CATSPERT: variants seen among roughly 807,000 people sequenced by gnomAD.
CATSPERT encodes the protein catsper channel auxiliary subunit tau, also known as cation channel sperm-associated targeting subunit tau.
chr2:201,601,692 G>A, the CATSPERT span: 12 of 1,518,374 alleles, frequency 7.9e-6, no homozygotes, highest in Non-Finnish European at 1.1e-5. Flanking sequence ...AGAATATTTG[G>A]AACTATAAGG....
chr2:201,551,832 C>T, the CATSPERT span, among the ~76,000 whole-genome samples: 2 of 151,654 alleles, frequency 1.3e-5, no homozygotes, highest in Non-Finnish European at 2.9e-5. Flanking sequence ...CGCTTTAACC[C>T]GGGAGCCGGA....
the CATSPERT span, among the ~76,000 whole-genome samples, chr2:201,594,953 T>C: frequency 4.7e-3 from 714 of 151,598 alleles, 6 homozygotes; most frequent in African/African-American, 0.016. Flanking sequence ...GTAATTTGAT[T>C]GTCTGAAGCC....
At chr2:201,535,684 T>C in the CATSPERT span, 22 of 1,212,036 alleles carry the variant, frequency 1.8e-5, no homozygotes, top group African/African-American at 2.2e-4. Context: ...CATTTCTTGA[T>C]TGATATAAGT....
chr2:201,572,064 T>G, the CATSPERT span: 1 of 1,410,674 alleles, frequency 7.1e-7, no homozygotes, highest in Non-Finnish European at 1.0e-6. Flanking sequence ...TAGTTTCAAT[T>G]AAAACTCACT....
chr2:201,504,021 T>C, the CATSPERT span, among the ~76,000 whole-genome samples: 1 of 152,214 alleles, frequency 6.6e-6, no homozygotes, highest in Non-Finnish European at 1.5e-5. Flanking sequence ...TGAGTACCTA[T>C]AATTTTCTAC....
At chr2:201,571,082 G>A in the CATSPERT span, among the ~76,000 whole-genome samples, 1 of 152,116 alleles carries the variant, frequency 6.6e-6, no homozygotes, top group African/African-American at 2.4e-5. Context: ...CAAGGAGAAG[G>A]CCTCAGATGT....
At chr2:201,585,407 GAAA>G in the CATSPERT span, among the ~76,000 whole-genome samples, 12 of 122,896 alleles carry the variant, frequency 9.8e-5, no homozygotes, top group African/African-American at 2.8e-4. Flanking sequence ...TACAGAACAA[GAAA>G]AAAAAAAAAA....
the CATSPERT span, among the ~76,000 whole-genome samples, chr2:201,596,135 T>C: frequency 2.4e-3 from 371 of 152,300 alleles, 3 homozygotes; most frequent in South Asian, 0.029. Flanking sequence ...TATATGCTCA[T>C]TGCAGCACCA....
chr2:201,526,063 T>C, the CATSPERT span, among the ~76,000 whole-genome samples: 3,684 of 152,290 alleles, frequency 0.024, 230 homozygotes, highest in East Asian at 0.22. Flanking sequence ...CCAATTCTAC[T>C]GAAACTATTC....
chr2:201,539,622 A>G, the CATSPERT span, among the ~76,000 whole-genome samples: 1 of 141,142 alleles, frequency 7.1e-6, no homozygotes, highest in Non-Finnish European at 1.5e-5. Flanking sequence ...GCTGGATATT[A>G]GACTTTTGTA....
chr2:201,503,288 T>G, the CATSPERT span, among the ~76,000 whole-genome samples: 1 of 152,256 alleles, frequency 6.6e-6, no homozygotes, highest in Non-Finnish European at 1.5e-5. Context: ...ACACTAGGTC[T>G]CACTATGTTG....
the CATSPERT span, among the ~76,000 whole-genome samples, chr2:201,560,429 T>C: frequency 2.3e-5 from 1 of 43,654 alleles, no homozygotes; most frequent in Non-Finnish European, 5.1e-5. Flanking sequence ...TCTCAAATAA[T>C]AATAATAATA....
the CATSPERT span, chr2:201,565,621 G>T: frequency 8.7e-7 from 1 of 1,146,480 alleles, no homozygotes; most frequent in Non-Finnish European, 1.1e-6. Flanking sequence ...AAGTTTCTGA[G>T]CCTATAGCAA....
the CATSPERT span, chr2:201,492,151 T>G: frequency 6.6e-7 from 1 of 1,525,820 alleles, no homozygotes; most frequent in Non-Finnish European, 8.7e-7. Context: ...AGAAACCGTT[T>G]GTAAAGTGGT....
chr2:201,582,242 A>G, the CATSPERT span: 3 of 1,570,944 alleles, frequency 1.9e-6, no homozygotes, highest in Non-Finnish European at 2.6e-6. Flanking sequence ...ATATAAGAAA[A>G]GAAGCATTAA....
the CATSPERT span, among the ~76,000 whole-genome samples, chr2:201,600,593 AT>A: frequency 6.6e-6 from 1 of 152,146 alleles, no homozygotes; most frequent in Non-Finnish European, 1.5e-5. Context: ...AATAAAAAAA[AT>A]AAAAAACTGT....
chr2:201,564,762 G>A, the CATSPERT span, among the ~76,000 whole-genome samples: 1 of 152,172 alleles, frequency 6.6e-6, no homozygotes, highest in African/African-American at 2.4e-5. Context: ...AATCAAATCA[G>A]TTGGCACCTT....
the CATSPERT span, among the ~76,000 whole-genome samples, chr2:201,617,085 C>T: frequency 6.6e-6 from 1 of 152,340 alleles, no homozygotes; most frequent in South Asian, 2.1e-4. Context: ...AAAAACATTA[C>T]ATGCTCATGG....
the CATSPERT span, among the ~76,000 whole-genome samples, chr2:201,562,469 G>A: frequency 6.6e-6 from 1 of 151,228 alleles, no homozygotes; most frequent in African/African-American, 2.4e-5. Flanking sequence ...CTACAGGCGT[G>A]AGCCACCACG....
Sources: gnomAD v4.1 joint callset for allele counts (sites outside exome capture counted in the v4.1 genomes callset) on GRCh38, gnomAD v4.1.1 for gene constraint, MANE v1.5 for transcripts, NCBI Gene and HGNC (gene_info 2026-07-23, HGNC 2026-07-21) for gene names.